SKAP2: variants seen among roughly 807,000 people sequenced by gnomAD.
The protein encoded by SKAP2 is src kinase associated phosphoprotein 2, also known as src kinase-associated phosphoprotein 2.
SKAP2 carries 28 observed loss-of-function variants against 54.9 expected under a neutral mutation model. That is an observed-to-expected ratio of 0.51 (90% CI 0.38 to 0.70). The LOEUF (loss-of-function observed/expected upper bound fraction) is 0.70. Among genes scored for constraint, SKAP2 ranks in the 30% least tolerant of loss-of-function variants. The pLI is 0.00. For synonymous variants in SKAP2, 137 were observed against 134.3 expected (o/e 1.02, Z -0.14); for missense variants, 356 against 424.1 (o/e 0.84, Z 1.41).
At chr7:26,662,842 G>C (rs1038453410), downstream of SKAP2, among the ~76,000 whole-genome samples, 2 of 152,078 alleles carry the variant, frequency 1.3e-5, no homozygotes, top group Non-Finnish European at 2.9e-5. Context: ...GGGCACACTT[G>C]ACGTTGTGAA....
At chr7:26,703,875 A>T (rs574556360) in intron 9 of SKAP2, among the ~76,000 whole-genome samples, 1 of 152,298 alleles carries the variant, frequency 6.6e-6, no homozygotes, top group South Asian at 2.1e-4. Flanking sequence ...CTATAATAAT[A>T]ATTAGTGTCA....
downstream of SKAP2, among the ~76,000 whole-genome samples, chr7:26,665,247 CGAGGAGGCACCT>C (rs1361935320): frequency 1.3e-5 from 2 of 152,088 alleles, no homozygotes; most frequent in African/African-American, 2.4e-5. Flanking sequence ...CCAAGCTGCC[CGAGGAGGCACCT>C]GTGCCTCTTA....
At chr7:26,791,677 C>T (rs144051753) in intron 4 of SKAP2, among the ~76,000 whole-genome samples, 16 of 152,154 alleles carry the variant, frequency 1.1e-4, no homozygotes, top group Non-Finnish European at 2.1e-4. Context: ...CATTAAAACA[C>T]CTAACTAGAA....
chr7:26,690,213 G>A, intron 10 of SKAP2, 72 bp downstream of exon 10: 2 of 1,130,796 alleles, frequency 1.8e-6, no homozygotes, highest in South Asian at 2.5e-5. Flanking sequence ...CTTTAGAACA[G>A]TAAGAACATG....
At chr7:26,656,227 T>TA in the SKAP2 span, among the ~76,000 whole-genome samples, 3 of 152,314 alleles carry the variant, frequency 2.0e-5, no homozygotes, top group South Asian at 6.2e-4. Context: ...CATGATAAGC[T>TA]AAAATTCAAT....
intron 11 of SKAP2, among the ~76,000 whole-genome samples, chr7:26,678,690 C>T (rs1786414099): frequency 6.6e-6 from 1 of 152,126 alleles, no homozygotes; most frequent in Non-Finnish European, 1.5e-5. Context: ...ATCCTCCTGC[C>T]TCGGCCTCCC....
intron 3 of SKAP2, among the ~76,000 whole-genome samples, chr7:26,850,161 T>C (rs1290543765): frequency 1.3e-5 from 2 of 152,216 alleles, no homozygotes; most frequent in Non-Finnish European, 2.9e-5. Context: ...TATGACCTTG[T>C]TATGTGATAG....
In SKAP2 at chr7:26,673,442, C is replaced by T. The variant is rs372204241; in HGVS notation, c.988-3250G>A. On this transcript the variant is annotated intron_variant, in intron 11 of 12. Transcript: ENST00000345317. ...TCATGTGCTATAAAGCTACATTATG[C>T]GGTTATTCTGTTATCACTAGAAAGA... 1.8e-4 allele frequency among the ~76,000 whole-genome samples: 27 copies of T among 152,108 alleles called. No homozygotes were observed. In the East Asian group the frequency reaches 5.0e-3, roughly 28 times the overall value.
chr7:26,755,522 A>T (rs1782771937), intron 4 of SKAP2, among the ~76,000 whole-genome samples: 1 of 152,208 alleles, frequency 6.6e-6, no homozygotes, highest in East Asian at 1.9e-4. Flanking sequence ...CCAGTAATTT[A>T]TGGAATAAGT....
At chr7:26,788,890 A>C (rs538005249) in intron 4 of SKAP2, among the ~76,000 whole-genome samples, 5 of 152,270 alleles carry the variant, frequency 3.3e-5, no homozygotes, top group Admixed American at 3.3e-4. Flanking sequence ...CAATTTTCTG[A>C]ACATAGTCTC....
intron 4 of SKAP2, among the ~76,000 whole-genome samples, chr7:26,829,896 T>A (rs1449557468): frequency 6.6e-6 from 1 of 152,180 alleles, no homozygotes; most frequent in Non-Finnish European, 1.5e-5. Flanking sequence ...ATTTCGTTCC[T>A]AGGTATATAC....
At chr7:26,821,181 A>T (rs1244750085) in intron 4 of SKAP2, among the ~76,000 whole-genome samples, 1 of 152,186 alleles carries the variant, frequency 6.6e-6, no homozygotes, top group African/African-American at 2.4e-5. Flanking sequence ...TCTGCCTTGA[A>T]TATTGCTTAA....
At chr7:26,845,894 T>C (rs1198511188) in intron 3 of SKAP2, among the ~76,000 whole-genome samples, 1 of 152,156 alleles carries the variant, frequency 6.6e-6, no homozygotes, top group East Asian at 1.9e-4. Context: ...ACTGCACCAC[T>C]GCATTCCAGC....
chr7:26,863,175 A>G (rs1399439914), intron 1 of SKAP2, among the ~76,000 whole-genome samples: 1 of 152,178 alleles, frequency 6.6e-6, no homozygotes, highest in Admixed American at 6.5e-5. Context: ...TACACTTAAT[A>G]TTACACTACC....
At chr7:26,785,279 T>C (rs1783518954) in intron 4 of SKAP2, among the ~76,000 whole-genome samples, 1 of 151,964 alleles carries the variant, frequency 6.6e-6, no homozygotes, top group African/African-American at 2.4e-5. Context: ...CTCCACCTCC[T>C]GGGTTCACAC....
downstream of SKAP2, among the ~76,000 whole-genome samples, chr7:26,662,459 G>A (rs567607596): frequency 1.3e-5 from 2 of 152,092 alleles, no homozygotes; most frequent in African/African-American, 2.4e-5. Context: ...GCTAAGAACT[G>A]TACCAAGGTA....
At chr7:26,805,830 A>T (rs1784013744) in intron 4 of SKAP2, among the ~76,000 whole-genome samples, 2 of 152,194 alleles carry the variant, frequency 1.3e-5, no homozygotes, top group Admixed American at 6.5e-5. Context: ...TGTACACTTC[A>T]TTTTATTGCA....
Position 26,686,006 on chromosome 7 carries a change from C to A in SKAP2, c.875-1158G>T, listed in dbSNP as rs544904298. Reference sequence around the variant, plus strand: ...TTGTCATCTCAGTATTGTTACATGGCTCTCAAACAGCAGGCTTTTTGGTGA... The same window carrying A: ...TTGTCATCTCAGTATTGTTACATGGATCTCAAACAGCAGGCTTTTTGGTGA... On this transcript the variant is annotated intron_variant, in intron 10 of 12. Coordinates refer to ENST00000345317, the MANE Select transcript of SKAP2 (RefSeq NM_003930.5). Among the ~76,000 whole-genome samples, 63 of 152,258 alleles carry A rather than the reference C, an allele frequency of 4.1e-4. 1 individual carries two copies. Among genetic ancestry groups the A allele is most frequent in the Non-Finnish European group, 7.2e-4 (49 of 68,008 alleles).
intron 10 of SKAP2, 137 bp downstream of exon 10, chr7:26,690,148 T>C (rs1316712213): frequency 1.6e-6 from 1 of 625,762 alleles, no homozygotes; most frequent in Non-Finnish European, 2.9e-6. Context: ...AAGCAGCTTA[T>C]CAGCCATAAG....
Sources: gnomAD v4.1 joint callset for allele counts (sites outside exome capture counted in the v4.1 genomes callset) on GRCh38, gnomAD v4.1.1 for gene constraint, MANE v1.5 for transcripts, NCBI Gene and HGNC (gene_info 2026-07-23, HGNC 2026-07-21) for gene names.